HPR: variants seen among roughly 807,000 people sequenced by gnomAD.
HPR encodes Haptoglobin-related locus.
HPR carries 17 observed loss-of-function variants against 18.5 expected under a neutral mutation model. The ratio of observed to expected loss-of-function variants is 0.92; its 90% CI spans 0.63 to 1.38. HPR has a LOEUF of 1.38. Ranked by LOEUF, HPR falls within the 40% of genes most tolerant of loss-of-function variation. HPR has a pLI of 0.00. For synonymous variants in HPR, 176 were observed against 165.0 expected (o/e 1.07, Z -0.51); for missense variants, 457 against 432.4 (o/e 1.06, Z -0.51).
chr16:72,065,511 T>C (rs2041588781), intron 1 of HPR, among the ~76,000 whole-genome samples: 1 of 151,968 alleles, frequency 6.6e-6, no homozygotes, highest in African/African-American at 2.4e-5. Flanking sequence ...CCCTTGATAG[T>C]CCCCTAGGTT....
In HPR at chr16:72,077,083, G is replaced by C. The variant is rs1217085626; in HGVS notation, c.*2G>C. 1 of 1,604,542 alleles carries C rather than the reference G, an allele frequency of 6.2e-7. No homozygotes were observed. The highest frequency in any genetic ancestry group is 1.7e-5 in the Admixed American group (1 of 59,628). ...CAGAAGACCATAGCTGAGAACTAAT[G>C]CAAGGCTGGCCGGAAGCCCTTGCCT... On this transcript the variant is annotated 3_prime_UTR_variant, in exon 5 of 5. Transcript: ENST00000540303.
At position 72,076,673 on chromosome 16, in the gene HPR, T is replaced by G; in HGVS notation, c.639T>G (p.Asn213Lys). The G allele has an allele frequency of 6.2e-7, 1 of 1,614,178 alleles. No homozygotes were observed. The highest frequency in any genetic ancestry group is 8.5e-7 in the Non-Finnish European group (1 of 1,180,040). ...TGCCCATCTGCCTACCTTCAAAGAA[T>G]TATGCAGAAGTAGGGCGTGTGGGTT... ...RVMPICLPSK[N>K]YAEVGRVGYV... Residue 213 changes from asparagine to lysine, a missense_variant, in exon 5 of 5, where the codon AAT becomes AAG. By Grantham distance (94) the Asn-to-Lys change is moderately conservative. Coordinates refer to ENST00000540303, the MANE Select transcript of HPR (RefSeq NM_020995.4).
At position 72,073,945 on chromosome 16, in the gene HPR, T is replaced by G; in HGVS notation, c.59T>G (p.Leu20Arg). 4 of 1,614,130 alleles carry G rather than the reference T, an allele frequency of 2.5e-6. No homozygotes were observed. Among genetic ancestry groups the G allele is most frequent in the Non-Finnish European group, 3.4e-6 (4 of 1,180,018 alleles). The part of the protein sequence containing the change: ...LLLWGRQLFA[L>R]YSGNDVTDIS... ...CTCTGGGGACGACAGCTTTTTGCAC[T>G]GTACTCAGGCAATGATGTCACGGAT... The change falls in exon 2 of 5, where the codon CTG (leucine) becomes CGG (arginine). Residue 20 changes from leucine to arginine, a missense_variant. Leu to Arg is a moderately radical substitution (Grantham distance 102). Coordinates refer to ENST00000540303, the MANE Select transcript of HPR (RefSeq NM_020995.4).
intron 3 of HPR, 39 bp downstream of exon 3, chr16:72,074,424 C>A (rs780587904): frequency 1.3e-6 from 2 of 1,499,116 alleles, no homozygotes; most frequent in South Asian, 2.3e-5. Context: ...CTACCTACAA[C>A]CCCTGCTCTG....
intron 1 of HPR, among the ~76,000 whole-genome samples, chr16:72,064,466 G>A (rs868731826): frequency 7.2e-5 from 11 of 151,964 alleles, no homozygotes; most frequent in Non-Finnish European, 8.8e-5. Context: ...CTCTCCCGTC[G>A]CAATAGCCTC....
intron 1 of HPR, among the ~76,000 whole-genome samples, chr16:72,064,463 G>A (rs556041298): frequency 5.9e-5 from 9 of 152,044 alleles, no homozygotes; most frequent in East Asian, 5.8e-4. Flanking sequence ...TACCTCTCCC[G>A]TCGCAATAGC....
At chr16:72,073,523 G>C (rs2041679560) in intron 1 of HPR, among the ~76,000 whole-genome samples, 1 of 152,088 alleles carries the variant, frequency 6.6e-6, no homozygotes, top group African/African-American at 2.4e-5. Flanking sequence ...CTTTCCTGGA[G>C]GGCTTCTGAA....
In HPR at chr16:72,075,175, G is replaced by A. The variant is rs2041705072; in HGVS notation, c.224G>A (p.Trp75Ter). The A allele has an allele frequency of 6.9e-7, 1 of 1,444,884 alleles. No individual in the cohort carries two copies. Among genetic ancestry groups the A allele is most frequent in the Non-Finnish European group, 9.6e-7 (1 of 1,045,666 alleles). The allele number at this position is 1,444,884 out of a possible 1,614,324, so 89.5% of individuals were successfully genotyped here. ...GVYTLNDKKQ[W>*]INKAVGDKLP... Reference sequence around the variant, plus strand: ...TACACCTTAAATGATAAGAAGCAGTGGATAAATAAGGCTGTTGGAGATAAA... The same window carrying A: ...TACACCTTAAATGATAAGAAGCAGTAGATAAATAAGGCTGTTGGAGATAAA... Residue 75 changes from tryptophan (W) to a stop codon, truncating the protein, a stop_gained, in exon 4 of 5, where the codon TGG becomes TAG. Transcript: ENST00000540303. LOFTEE classifies it low-confidence loss of function (END_TRUNC).
In HPR at chr16:72,063,234, T is replaced by G. The variant is rs915943180; in HGVS notation, c.-22T>G. The G allele has an allele frequency of 6.3e-7, 1 of 1,590,304 alleles. No homozygotes were observed. The highest frequency in any genetic ancestry group is 8.6e-7 in the Non-Finnish European group (1 of 1,166,900). ...AGCAGATGCCCCACAGCACTGCTCT[T>G]CCAGAGGCAAGACCAACCAAGATGA... is the stretch of plus-strand genomic sequence containing the variant. On this transcript the variant is annotated 5_prime_UTR_variant, in exon 1 of 5. Coordinates refer to ENST00000540303, the MANE Select transcript of HPR (RefSeq NM_020995.4).
intron 1 of HPR, among the ~76,000 whole-genome samples, chr16:72,064,392 C>T (rs1011893896): frequency 1.3e-5 from 2 of 152,152 alleles, no homozygotes; most frequent in East Asian, 1.9e-4. Flanking sequence ...TGGTAAACAA[C>T]CTTCCTGCCA....
At chr16:72,065,371 G>T (rs2041587068) in intron 1 of HPR, among the ~76,000 whole-genome samples, 1 of 152,128 alleles carries the variant, frequency 6.6e-6, no homozygotes, top group Admixed American at 6.5e-5. Flanking sequence ...ATGAGGAACT[G>T]AGCCACAGCA....
chr16:72,067,060 C>T (rs1376428205), intron 1 of HPR, among the ~76,000 whole-genome samples: 2 of 152,048 alleles, frequency 1.3e-5, no homozygotes, highest in African/African-American at 4.8e-5. Context: ...AGGGGAAGGA[C>T]AAGATAAGTG....
At chr16:72,063,767 C>CA (rs1171967402) in intron 1 of HPR, among the ~76,000 whole-genome samples, 1 of 151,536 alleles carries the variant, frequency 6.6e-6, no homozygotes, top group Admixed American at 6.6e-5. Context: ...TTTTGTGAGA[C>CA]AGAGTCTCAC....
At chr16:72,069,361 G>T (rs1442177582) in intron 1 of HPR, among the ~76,000 whole-genome samples, 1 of 152,300 alleles carries the variant, frequency 6.6e-6, no homozygotes, top group East Asian at 1.9e-4. Flanking sequence ...TCTTTTGAAA[G>T]TCGAGGAAAT....
intron 1 of HPR, 24 bp downstream of exon 1, chr16:72,063,284 G>A (rs778033891): frequency 6.3e-7 from 1 of 1,582,456 alleles, no homozygotes; most frequent in East Asian, 2.3e-5. Flanking sequence ...TTTCCCTCCT[G>A]CCTTTCCTCT....
chr16:72,064,866 T>C (rs570117742), intron 1 of HPR, among the ~76,000 whole-genome samples: 45 of 152,286 alleles, frequency 3.0e-4, no homozygotes, highest in African/African-American at 9.6e-4. Context: ...CACTGCCTTG[T>C]TGCAGTGGCC....
chr16:72,076,867 A>C lies in HPR; in HGVS notation c.833A>C (p.Glu278Ala). 6.2e-7 allele frequency: 1 copy of C among 1,614,230 alleles called. No homozygotes were observed. Among genetic ancestry groups the C allele is most frequent in the Non-Finnish European group, 8.5e-7 (1 of 1,180,040 alleles). The change falls in exon 5 of 5, where the codon GAA (glutamate) becomes GCA (alanine). Residue 278 changes from glutamate to alanine, a missense_variant. By Grantham distance (107) the Glu-to-Ala change is moderately radical (BLOSUM62 -1). Transcript: ENST00000540303. ...GTAGGGGTGCAGCCCATACTGAACG[A>C]ACACACCTTCTGTGTCGGCATGTCT... ...SPVGVQPILNEHTFCVGMSKY... is the reference protein window; with the variant it reads ...SPVGVQPILNAHTFCVGMSKY...
intron 3 of HPR, 174 bp downstream of exon 3, chr16:72,074,559 AC>A: frequency 2.7e-6 from 2 of 738,324 alleles, no homozygotes; most frequent in Non-Finnish European, 5.0e-6. Context: ...GGGCAGACTA[AC>A]TTTTGTCAGC....
At chr16:72,074,058 CT>C in intron 2 of HPR, 81 bp downstream of exon 2, 1 of 1,567,502 alleles carries the variant, frequency 6.4e-7, no homozygotes, top group Non-Finnish European at 8.8e-7. Context: ...TGCATTCTTT[CT>C]TTGAGAACAC....
Sources: gnomAD v4.1 joint callset for allele counts (sites outside exome capture counted in the v4.1 genomes callset) on GRCh38, gnomAD v4.1.1 for gene constraint, MANE v1.5 for transcripts, NCBI Gene and HGNC (gene_info 2026-07-23, HGNC 2026-07-21) for gene names.